The following SYBU variants were observed in gnomAD, a reference collection of about 807,000 sequenced individuals.
SYBU encodes the protein syntabulin.
Under a neutral mutation model 35.9 loss-of-function variants are expected in SYBU, and 21 were observed. The observed-to-expected ratio is 0.58, with a 90% CI of 0.41 to 0.84. The LOEUF (loss-of-function observed/expected upper bound fraction) is 0.84. Among genes scored for constraint, SYBU ranks in the 40% least tolerant of loss-of-function variants. The probability of loss-of-function intolerance (pLI) is 0.00; values close to 1 mark genes in which losing one functional copy is unlikely to be tolerated. For synonymous variants in SYBU, 319 were observed against 324.3 expected (o/e 0.98, Z 0.18); for missense variants, 768 against 848.2 (o/e 0.91, Z 1.17).
upstream of SYBU, among the ~76,000 whole-genome samples, chr8:109,685,641 T>C (rs1817503936): frequency 6.6e-6 from 1 of 152,250 alleles, no homozygotes; most frequent in Non-Finnish European, 1.5e-5. Flanking sequence ...AAGGGCCATA[T>C]ATAAAAATTC....
At chr8:109,593,377 T>G (rs1824506312) in intron 3 of SYBU, among the ~76,000 whole-genome samples, 2 of 152,184 alleles carry the variant, frequency 1.3e-5, no homozygotes, top group South Asian at 4.1e-4. Flanking sequence ...AAGAATTTAA[T>G]CTACAGAATG....
At chr8:109,610,305 C>T (rs1396404614) in intron 3 of SYBU, among the ~76,000 whole-genome samples, 1 of 152,182 alleles carries the variant, frequency 6.6e-6, no homozygotes, top group African/African-American at 2.4e-5. Flanking sequence ...TCCTTAATGC[C>T]TGGAACAATG....
At chr8:109,689,775 A>G (rs960281432) in intron 1 of SYBU, among the ~76,000 whole-genome samples, 2 of 149,008 alleles carry the variant, frequency 1.3e-5, no homozygotes, top group African/African-American at 5.0e-5. Context: ...CTTGTCAACT[A>G]CTAGTTTGTA....
chr8:109,634,750 G>A (rs1301616689), intron 2 of SYBU, among the ~76,000 whole-genome samples: 1 of 152,222 alleles, frequency 6.6e-6, no homozygotes, highest in Non-Finnish European at 1.5e-5. Flanking sequence ...AAAGCATAAA[G>A]ATGGGGGCAC....
chr8:109,666,641 C>A (rs7014051), intron 1 of SYBU, among the ~76,000 whole-genome samples: 5,360 of 151,988 alleles, frequency 0.035, 292 homozygotes, highest in African/African-American at 0.12. Context: ...TTTGGGAGAC[C>A]AAGGCTTGAT....
At chr8:109,673,246 T>A (rs1365070522) in intron 1 of SYBU, among the ~76,000 whole-genome samples, 1 of 152,204 alleles carries the variant, frequency 6.6e-6, no homozygotes, top group East Asian at 1.9e-4. Context: ...GGGAGACACC[T>A]CCCAGCAAGT....
At chr8:109,628,459 T>C (rs1267462044) in intron 2 of SYBU, among the ~76,000 whole-genome samples, 1 of 151,870 alleles carries the variant, frequency 6.6e-6, no homozygotes, top group African/African-American at 2.4e-5. Context: ...CAGGCTCCCA[T>C]TTAACTGGGA....
chr8:109,691,193 TGG>T lies in SYBU; in HGVS notation c.-58+138_-58+139del. 1.7e-6 allele frequency: 1 copy of T among 596,240 alleles called. No homozygotes were observed. Among genetic ancestry groups the T allele is most frequent in the South Asian group, 1.9e-5 (1 of 51,842 alleles). 36.9% of individuals were successfully genotyped at this position (596,240 alleles called of 1,614,324 possible). ...TTCTTCTGTGCATCGCCGAGCACCC[TGG>T]ATACCTCCCGCATTGGAAAGGGTGG... On this transcript the variant is annotated intron_variant, in intron 1 of 7. Transcript: ENST00000422135. The surrounding 1 kb of genome is among the most constrained non-coding windows in gnomAD (Gnocchi z 4.7).
At chr8:109,645,327 C>A (rs1405519881), upstream of SYBU, 1 of 456,692 alleles carries the variant, frequency 2.2e-6, no homozygotes, top group Non-Finnish European at 4.4e-6. Flanking sequence ...ACCGACACAG[C>A]CTCTGGGTTC....
Position 109,644,655 on chromosome 8 carries a change from C to T in SYBU, c.5G>A (p.Gly2Glu). Residue 2 changes from glycine to glutamate, a missense_variant, in exon 1 of 7, where the codon GGG (glycine) becomes GAG (glutamate). Coordinates refer to ENST00000276646, the MANE Select transcript of SYBU (RefSeq NM_001099754.2). ...CCTTACCTTGCTCTCGCGGAGGGGC[C>T]CCATCGCGCCGCTGCCCGCCGGCTC... The part of the protein sequence containing the change: M[G>E]PLRESKKEHR... 1 of 1,525,936 alleles carries T rather than the reference C, an allele frequency of 6.6e-7. No homozygotes were observed. The highest frequency in any genetic ancestry group is 8.7e-7 in the Non-Finnish European group (1 of 1,143,810). The allele number at this position is 1,525,936 out of a possible 1,614,324, so 94.5% of individuals were successfully genotyped here.
chr8:109,690,739 C>A (rs1019021118), intron 1 of SYBU, among the ~76,000 whole-genome samples: 2 of 152,220 alleles, frequency 1.3e-5, no homozygotes, highest in Non-Finnish European at 2.9e-5. Flanking sequence ...TGATACCACC[C>A]ACCATGAGGA....
At chr8:109,608,749 T>C (rs1307877461) in intron 3 of SYBU, among the ~76,000 whole-genome samples, 1 of 152,214 alleles carries the variant, frequency 6.6e-6, no homozygotes. Context: ...TTCGTAAACT[T>C]TTCTTATTTC....
intron 3 of SYBU, among the ~76,000 whole-genome samples, chr8:109,600,846 G>A (rs1265556227): frequency 2.0e-5 from 3 of 152,130 alleles, no homozygotes; most frequent in South Asian, 2.1e-4. Flanking sequence ...TTCAGCAGAC[G>A]TTTAATGCAA....
At chr8:109,686,264 C>T (rs926453091) in intron 1 of SYBU, among the ~76,000 whole-genome samples, 1 of 151,924 alleles carries the variant, frequency 6.6e-6, no homozygotes, top group African/African-American at 2.4e-5. Flanking sequence ...AGGAAATGTT[C>T]CCCTTTGATT....
At chr8:109,618,271 A>G (rs1003299386) in intron 3 of SYBU, among the ~76,000 whole-genome samples, 1 of 152,220 alleles carries the variant, frequency 6.6e-6, no homozygotes, top group Non-Finnish European at 1.5e-5. Flanking sequence ...CTGGCATTTC[A>G]TTCACTGCAG....
intron 3 of SYBU, among the ~76,000 whole-genome samples, chr8:109,595,403 C>A (rs1824754149): frequency 6.6e-6 from 1 of 152,184 alleles, no homozygotes; most frequent in South Asian, 2.1e-4. Flanking sequence ...AGCTAATGAC[C>A]CAACCCTTCT....
intron 3 of SYBU, chr8:109,608,165 C>G (rs535958486): frequency 4.1e-6 from 2 of 491,544 alleles, no homozygotes; most frequent in African/African-American, 3.9e-5. Flanking sequence ...AGGGCCTTCT[C>G]CCTGGTGACT....
intron 3 of SYBU, among the ~76,000 whole-genome samples, chr8:109,615,929 G>A (rs2130311231): frequency 7.0e-6 from 1 of 143,458 alleles, no homozygotes; most frequent in South Asian, 2.3e-4. Context: ...AAGAAAAACT[G>A]TTTTTGTTTT....
intron 3 of SYBU, among the ~76,000 whole-genome samples, chr8:109,589,860 T>C (rs1362171648): frequency 2.6e-5 from 4 of 152,158 alleles, no homozygotes; most frequent in African/African-American, 9.7e-5. Context: ...CATCACAGTA[T>C]AGAACAATCC....
Sources: gnomAD v4.1 joint callset for allele counts (sites outside exome capture counted in the v4.1 genomes callset) on GRCh38, gnomAD v4.1.1 for gene constraint, Gnocchi (gnomAD v3.1) non-coding constraint, MANE v1.5 for transcripts, NCBI Gene and HGNC (gene_info 2026-07-23, HGNC 2026-07-21) for gene names.